PDZD2: variants seen among roughly 807,000 people sequenced by gnomAD.
PDZD2 encodes PDZ domain containing 2.
Under a neutral mutation model 220.7 loss-of-function variants are expected in PDZD2, and 90 were observed. The ratio of observed to expected loss-of-function variants is 0.41; its 90% CI spans 0.34 to 0.49. The LOEUF is 0.49. PDZD2 is among the 20% of genes least tolerant of loss of function. The pLI is 0.28. For missense variants in PDZD2, 3,174 were observed against 3,608.5 expected (o/e 0.88, Z 3.08); for synonymous variants, 1,375 against 1,450.5 (o/e 0.95, Z 1.18).
At chr5:31,886,039 A>G (rs921784476) in intron 2 of PDZD2, among the ~76,000 whole-genome samples, 1 of 151,942 alleles carries the variant, frequency 6.6e-6, no homozygotes, top group African/African-American at 2.4e-5. Context: ...AGCTGGGATT[A>G]CAGGCACCCA....
chr5:32,080,121 G>T (rs578231747), intron 19 of PDZD2, among the ~76,000 whole-genome samples: 1 of 152,246 alleles, frequency 6.6e-6, no homozygotes, highest in African/African-American at 2.4e-5. Flanking sequence ...GGCCAAGACG[G>T]ACGGATCACA....
At chr5:31,920,241 G>A (rs896228284) in intron 2 of PDZD2, among the ~76,000 whole-genome samples, 27 of 152,062 alleles carry the variant, frequency 1.8e-4, no homozygotes, top group Non-Finnish European at 3.4e-4. Context: ...CTATGAGCGC[G>A]CCACTGCACT....
chr5:31,714,279 G>C (rs565868708), intron 1 of PDZD2, among the ~76,000 whole-genome samples: 1 of 152,224 alleles, frequency 6.6e-6, no homozygotes, highest in African/African-American at 2.4e-5. Context: ...GGCTGGTTCT[G>C]ATTGAGGTTG....
At chr5:31,872,215 G>A (rs1353179219) in intron 2 of PDZD2, among the ~76,000 whole-genome samples, 1 of 151,656 alleles carries the variant, frequency 6.6e-6, no homozygotes, top group Non-Finnish European at 1.5e-5. Context: ...GCAAAGCAGA[G>A]AGCCCAGCCA....
intron 1 of PDZD2, among the ~76,000 whole-genome samples, chr5:31,762,507 C>G (rs571394655): frequency 7.9e-4 from 120 of 152,308 alleles, no homozygotes; most frequent in African/African-American, 2.7e-3. Flanking sequence ...AGGCTAGTCT[C>G]AAACTCCTAA....
chr5:32,096,043 T>C (rs1408516941), intron 21 of PDZD2, among the ~76,000 whole-genome samples: 1 of 150,922 alleles, frequency 6.6e-6, no homozygotes, highest in Non-Finnish European at 1.5e-5. Context: ...GCACCCGGCG[T>C]AGGAGGCCTC....
chr5:31,785,416 CATATATATT>C (rs1202996441), intron 1 of PDZD2, among the ~76,000 whole-genome samples: 2 of 147,048 alleles, frequency 1.4e-5, no homozygotes, highest in Non-Finnish European at 3.0e-5. Flanking sequence ...ATATATATGT[CATATATATT>C]ATATATATAT....
intron 1 of PDZD2, among the ~76,000 whole-genome samples, chr5:31,785,871 A>G (rs1753351736): frequency 6.6e-6 from 1 of 151,890 alleles, no homozygotes; most frequent in Non-Finnish European, 1.5e-5. Context: ...CTCTCCATTT[A>G]TGCTATCTCA....
chr5:31,696,973 G>T (rs1381784805), intron 1 of PDZD2, among the ~76,000 whole-genome samples: 1 of 152,186 alleles, frequency 6.6e-6, no homozygotes, highest in Admixed American at 6.5e-5. Flanking sequence ...AGAGTTCTGA[G>T]TTTCCACTGC....
At chr5:31,858,183 G>A (rs989035779) in intron 2 of PDZD2, among the ~76,000 whole-genome samples, 4 of 151,738 alleles carry the variant, frequency 2.6e-5, no homozygotes, top group Admixed American at 6.6e-5. Context: ...GGCTGGTCTC[G>A]AACTCCTGAC....
chr5:31,901,443 T>C (rs1218318302), intron 2 of PDZD2, among the ~76,000 whole-genome samples: 1 of 148,298 alleles, frequency 6.7e-6, no homozygotes, highest in South Asian at 2.1e-4. Context: ...AGAAGAAAGG[T>C]GACTTTAAGT....
intron 19 of PDZD2, among the ~76,000 whole-genome samples, chr5:32,086,663 T>TTTGTTG (rs57422179): frequency 6.4e-4 from 97 of 150,586 alleles, no homozygotes; most frequent in East Asian, 1.8e-3. Flanking sequence ...AGAACGCCGT[T>TTTGTTG]TTGTTGTTGT....
chr5:31,684,848 T>G (rs1746787987), intron 1 of PDZD2, among the ~76,000 whole-genome samples: 2 of 152,222 alleles, frequency 1.3e-5, no homozygotes, highest in African/African-American at 4.8e-5. Flanking sequence ...ATGCTAGTTT[T>G]TAGGTCTCAA....
chr5:31,795,861 C>T (rs900224949), intron 1 of PDZD2, among the ~76,000 whole-genome samples: 2 of 152,170 alleles, frequency 1.3e-5, no homozygotes, highest in Admixed American at 1.3e-4. Flanking sequence ...GGAAAGCCCT[C>T]AATTATAGGT....
chr5:31,802,869 G>A (rs35946638), intron 2 of PDZD2, among the ~76,000 whole-genome samples: 20,084 of 142,434 alleles, frequency 0.14, 1,559 homozygotes, highest in Middle Eastern at 0.22. Flanking sequence ...GCAGTGAGCC[G>A]AGATTGCGCC....
At chr5:31,727,835 C>G (rs1371186819) in intron 1 of PDZD2, among the ~76,000 whole-genome samples, 2 of 151,550 alleles carry the variant, frequency 1.3e-5, no homozygotes, top group Non-Finnish European at 2.9e-5. Context: ...AACCCCGTCT[C>G]TACTAAAAAT....
chr5:31,973,698 A>G (rs1749501106), intron 2 of PDZD2, among the ~76,000 whole-genome samples: 1 of 152,200 alleles, frequency 6.6e-6, no homozygotes. Context: ...TCCTCTTAAT[A>G]TAATTCTACC....
At chr5:31,976,692 TCTTTTC>T (rs1749793094) in intron 2 of PDZD2, among the ~76,000 whole-genome samples, 1 of 148,786 alleles carries the variant, frequency 6.7e-6, no homozygotes, top group East Asian at 2.0e-4. Flanking sequence ...TTTGTTTCTT[TCTTTTC>T]CTTTTTTTCT....
chr5:32,010,216 C>T, intron 5 of PDZD2, 114 bp from the exon 6 acceptor site: 2 of 699,098 alleles, frequency 2.9e-6, no homozygotes, highest in Non-Finnish European at 2.5e-6. Context: ...AGAACATTTA[C>T]TCCATGTAGT....
Sources: gnomAD v4.1 joint callset for allele counts (sites outside exome capture counted in the v4.1 genomes callset) on GRCh38, gnomAD v4.1.1 for gene constraint, MANE v1.5 for transcripts, NCBI Gene and HGNC (gene_info 2026-07-23, HGNC 2026-07-21) for gene names.